The following COL7A1 variants were observed in gnomAD, a reference collection of about 807,000 sequenced individuals.
COL7A1 encodes the protein collagen alpha-1(VII) chain.
A neutral mutation model predicts 456.2 loss-of-function variants in COL7A1; 296 were observed. The observed-to-expected ratio is 0.65, with a 90% CI of 0.59 to 0.71. The LOEUF is 0.71. Among genes scored for constraint, COL7A1 ranks in the 30% least tolerant of loss-of-function variants. COL7A1 has a pLI of 0.00. For synonymous variants in COL7A1, 1,464 were observed against 1,525.9 expected (o/e 0.96, Z 0.95); for missense variants, 3,441 against 4,017.2 (o/e 0.86, Z 3.88).
In COL7A1 at chr3:48,580,557, G is replaced by C; in HGVS notation, c.5052+24C>G. On this transcript the variant is annotated intron_variant, in intron 55 of 118. Coordinates refer to ENST00000681320, the MANE Select transcript of COL7A1 (RefSeq NM_000094.4). The surrounding 1 kb of genome is among the most constrained non-coding windows in gnomAD (Gnocchi z 4.5). ...CTGGTTGGAGGGTTAAGGTTGGGGTGAGGAGTCATAGGCTGGGACTCACAT... is the reference window on the plus strand; with the variant it reads ...CTGGTTGGAGGGTTAAGGTTGGGGTCAGGAGTCATAGGCTGGGACTCACAT... 1.2e-6 allele frequency: 2 copies of C among 1,611,076 alleles called. No homozygotes were observed. The highest frequency in any genetic ancestry group is 1.7e-6 in the Non-Finnish European group (2 of 1,177,658).
Position 48,589,345 on chromosome 3 carries a change from A to G in COL7A1, c.2296T>C (p.Ser766Pro), listed in dbSNP as rs766218397. 1.9e-6 allele frequency: 3 copies of G among 1,612,166 alleles called. No individual in the cohort carries two copies. The South Asian group carries it at 3.3e-5, about 18-fold the overall frequency. ...CACTCACCAGTCCTCACAACCACAG[A>G]GGCAGGGGGCCCATCCACGCCAGCC... ...HVAGVDGPPA[S>P]VVVRTAPEPV... Residue 766 changes from serine (S) to proline (P), a missense_variant, in exon 18 of 119, where the codon TCT (serine) becomes CCT (proline). Ser to Pro is a moderately conservative substitution (Grantham distance 74, BLOSUM62 -1). Transcript: ENST00000681320.
rs2043777722 is a variant in COL7A1, at chr3:48,569,512, G to T, written c.7615-66C>A. ...GGTCCCTCACCCTCTGGGAGTTTGA[G>T]CTCTCAGATGCCCTGGGCCAGCCCC... On this transcript the variant is annotated intron_variant, in intron 102 of 118. Transcript: ENST00000681320. The surrounding 1 kb of genome is among the most constrained non-coding windows in gnomAD (Gnocchi z 4.9). 2 of 1,612,488 alleles carry T rather than the reference G, an allele frequency of 1.2e-6. No individual in the cohort carries two copies. The highest frequency in any genetic ancestry group is 2.7e-5 in the African/African-American group (2 of 74,898).
Position 48,594,935 on chromosome 3 carries a change from G to T in COL7A1, c.85+140C>A. On this transcript the variant is annotated intron_variant, in intron 2 of 118. Coordinates refer to ENST00000681320, the MANE Select transcript of COL7A1 (RefSeq NM_000094.4). This position sits in a 1 kb window ranked among gnomAD's most constrained non-coding sequence, Gnocchi z 5.5. ...GCACCGATCGCGGAGGGTTCGGGGA[G>T]TCCCAGAATTAGGAGGAATCCGCGG... 1 of 745,212 alleles carries T rather than the reference G, an allele frequency of 1.3e-6. No homozygotes were observed. The highest frequency in any genetic ancestry group is 2.2e-6 in the Non-Finnish European group (1 of 446,900). The allele number at this position is 745,212 out of a possible 1,614,324, so 46.2% of individuals were successfully genotyped here. A position where few individuals can be genotyped will look rare whatever the true frequency, so the allele number is the denominator to read the frequency against.
In COL7A1 at chr3:48,573,386, G is replaced by A. The variant is rs753055370; in HGVS notation, c.6619-38C>T. 4.6e-5 allele frequency: 74 copies of A among 1,613,872 alleles called. No homozygotes were observed. Among genetic ancestry groups the A allele is most frequent in the South Asian group, 1.3e-4 (12 of 91,084 alleles). On this transcript the variant is annotated intron_variant, in intron 83 of 118. Transcript: ENST00000681320. The surrounding 1 kb of genome is among the most constrained non-coding windows in gnomAD (Gnocchi z 5.5). Reference sequence around the variant, plus strand: ...CAGAGACTGCATGAGCAGAGCCCACGTGGCCAGGGCTCCTGGAGCTCATCC... The same window carrying A: ...CAGAGACTGCATGAGCAGAGCCCACATGGCCAGGGCTCCTGGAGCTCATCC...
Position 48,575,498 on chromosome 3 carries a change from G to T in COL7A1, c.6021C>A (p.Asp2007Glu), listed in dbSNP as rs199603961. ...GFPGERGLKG[D>E]RGDPGPQGPP... is the part of the protein sequence containing the mutation. ...GCCCCTGAGGGCCAGGGTCTCCACG[G>T]TCGCCCTTCAGCCCGCGTTCTCCAG... The change falls in exon 74 of 119, where the codon GAC (aspartate) becomes GAA (glutamate). Residue 2007 changes from aspartate to glutamate, a missense_variant. Physicochemically the swap from Asp to Glu is conservative, Grantham distance 45. Coordinates refer to ENST00000681320, the MANE Select transcript of COL7A1 (RefSeq NM_000094.4). The surrounding 1 kb of genome is among the most constrained non-coding windows in gnomAD (Gnocchi z 6.3). 4.5e-5 allele frequency: 72 copies of T among 1,612,460 alleles called. No individual in the cohort carries two copies. Among genetic ancestry groups the T allele is most frequent in the Non-Finnish European group, 5.8e-5 (69 of 1,179,790 alleles).
In COL7A1 at chr3:48,588,360, G is replaced by A. The variant is rs760318221; in HGVS notation, c.2632C>T (p.Arg878Cys). Residue 878 changes from arginine (R) to cysteine (C), a missense_variant, in exon 21 of 119, where the codon CGC (arginine) becomes TGC (cysteine). Arg to Cys is a radical substitution (Grantham distance 180). Around this residue, in one of 3 missense-constraint regions of COL7A1, gnomAD observed 444 missense variants for 427.6 expected, o/e 1.04. Coordinates refer to ENST00000681320, the MANE Select transcript of COL7A1 (RefSeq NM_000094.4). This position sits in a 1 kb window ranked among gnomAD's most constrained non-coding sequence, Gnocchi z 4.6. ...CGCAGCCTCAGCGAGTGCTCCCCGC[G>A]CTGCACCACGTGAAGCGTCCCCAGG... Reference protein sequence around the residue: ...PALGTLHVVQRGEHSLRLRWE... With the variant: ...PALGTLHVVQCGEHSLRLRWE... 14 of 1,612,270 alleles carry A rather than the reference G, an allele frequency of 8.7e-6. No individual in the cohort carries two copies. The highest frequency in any genetic ancestry group is 6.7e-5 in the East Asian group (3 of 44,880).
Position 48,593,428 on chromosome 3 carries a change from C to A in COL7A1, c.448G>T (p.Gly150Trp). 1 of 1,614,114 alleles carries A rather than the reference C, an allele frequency of 6.2e-7. No individual in the cohort carries two copies. Among genetic ancestry groups the A allele is most frequent in the Non-Finnish European group, 8.5e-7 (1 of 1,180,038 alleles). ...VPKVCILITDGKSQDLVDTAA... is the reference protein window; with the variant it reads ...VPKVCILITDWKSQDLVDTAA... ...GTGTCCACCAGGTCCTGGGACTTCC[C>A]GTCTGTGATCAGGATGCAGACCTGG... Residue 150 changes from glycine to tryptophan, a missense_variant, in exon 5 of 119, where the codon GGG becomes TGG. Gly to Trp is a radical substitution (Grantham distance 184, BLOSUM62 -2). This residue lies in a region of COL7A1 where 913 missense variants were observed against 1,088.2 expected (regional missense o/e 0.84). Transcript: ENST00000681320. This position sits in a 1 kb window ranked among gnomAD's most constrained non-coding sequence, Gnocchi z 4.4.
At position 48,569,894 on chromosome 3, in the gene COL7A1, C is replaced by G. The variant is rs1428412164; in HGVS notation, c.7507G>C (p.Glu2503Gln). ...CACGTTCCTACCTTCTCCCCACGCT[C>G]TCCCCTGCTGCCAGGGGGCCCCTGT... Reference protein sequence around the residue: ...GLTGPPGSRGERGEKGDVGSA... With the variant: ...GLTGPPGSRGQRGEKGDVGSA... The change falls in exon 100 of 119, where the codon GAG becomes CAG. Residue 2503 changes from glutamate to glutamine, a missense_variant. Transcript: ENST00000681320. This position sits in a 1 kb window ranked among gnomAD's most constrained non-coding sequence, Gnocchi z 4.9. 12 of 1,614,022 alleles carry G rather than the reference C, an allele frequency of 7.4e-6. No homozygotes were observed. Among genetic ancestry groups the G allele is most frequent in the Non-Finnish European group, 9.3e-6 (11 of 1,180,012 alleles).
chr3:48,566,957 G>T lies in COL7A1; in HGVS notation c.8176C>A (p.Pro2726Thr), dbSNP rs1251057001. 2 of 1,611,684 alleles carry T rather than the reference G, an allele frequency of 1.2e-6. No homozygotes were observed. The highest frequency in any genetic ancestry group is 1.7e-5 in the Admixed American group (1 of 59,842). Residue 2726 changes from proline to threonine, a missense_variant, in exon 111 of 119, where the codon CCA (proline) becomes ACA (threonine). Pro to Thr is a conservative substitution (Grantham distance 38). Around this residue, in one of 3 missense-constraint regions of COL7A1, gnomAD observed 2,084 missense variants for 2,501.3 expected, o/e 0.83. Coordinates refer to ENST00000681320, the MANE Select transcript of COL7A1 (RefSeq NM_000094.4). The surrounding 1 kb of genome is among the most constrained non-coding windows in gnomAD (Gnocchi z 5.9). ...CCTCTGGGACCAACACTGCCAGGTG[G>T]CCCTGGGGGACCAGCAGAGCCATCA... ...GNDGSAGPPGPPGSVGPRGPE... is the reference protein window; with the variant it reads ...GNDGSAGPPGTPGSVGPRGPE...
chr3:48,580,525 G>A lies in COL7A1; in HGVS notation c.5052+56C>T. 1.9e-6 allele frequency: 3 copies of A among 1,581,946 alleles called. No individual in the cohort carries two copies. The highest frequency in any genetic ancestry group is 2.2e-5 in the South Asian group (2 of 89,578). ...GTTGGGGGGTAGGATCAGGTATTGG[G>A]AATTGGCTGGTTGGAGGGTTAAGGT... On this transcript the variant is annotated intron_variant, in intron 55 of 118. Transcript: ENST00000681320. This position sits in a 1 kb window ranked among gnomAD's most constrained non-coding sequence, Gnocchi z 4.5.
At chr3:48,584,138 G>T (rs2045023509) in intron 37 of COL7A1, 77 bp from the exon 38 acceptor site, 1 of 1,610,536 alleles carries the variant, frequency 6.2e-7, no homozygotes, top group South Asian at 1.1e-5. Context: ...GAGGGTCATG[G>T]GGTCCAATTG....
Position 48,579,181 on chromosome 3 carries a change from G to A in COL7A1, c.5388+16C>T. Reference sequence around the variant, plus strand: ...GTAGGGGAAGGGGACAACCAGGCAGGACTACCAAGACTCACATTCGGCCCA... The same window carrying A: ...GTAGGGGAAGGGGACAACCAGGCAGAACTACCAAGACTCACATTCGGCCCA... On this transcript the variant is annotated intron_variant, in intron 62 of 118. Coordinates refer to ENST00000681320, the MANE Select transcript of COL7A1 (RefSeq NM_000094.4). This position sits in a 1 kb window ranked among gnomAD's most constrained non-coding sequence, Gnocchi z 4.4. 6.2e-7 allele frequency: 1 copy of A among 1,612,550 alleles called. No individual in the cohort carries two copies. Among genetic ancestry groups the A allele is most frequent in the East Asian group, 2.2e-5 (1 of 44,880 alleles).
chr3:48,585,099 A>T lies in COL7A1; in HGVS notation c.3912T>A (p.Asp1304Glu). ...AKGERGFPGA[D>E]GRPGSPGRAG... ...CGCGGCCAGGGCTGCCTGGACGCCC[A>T]TCTGCTCCAGGGAAGCCCTGAGGAG... Residue 1304 changes from aspartate (D) to glutamate (E), a missense_variant, in exon 33 of 119, where the codon GAT becomes GAA. Asp to Glu is a conservative substitution (Grantham distance 45, BLOSUM62 2). Coordinates refer to ENST00000681320, the MANE Select transcript of COL7A1 (RefSeq NM_000094.4). The surrounding 1 kb of genome is among the most constrained non-coding windows in gnomAD (Gnocchi z 4.5). 1 of 1,611,672 alleles carries T rather than the reference A, an allele frequency of 6.2e-7. No homozygotes were observed.
Position 48,592,081 on chromosome 3 carries a change from G to C in COL7A1, c.1240+21C>G, listed in dbSNP as rs1168537491. On this transcript the variant is annotated intron_variant, in intron 10 of 118. Coordinates refer to ENST00000681320, the MANE Select transcript of COL7A1 (RefSeq NM_000094.4). This position sits in a 1 kb window ranked among gnomAD's most constrained non-coding sequence, Gnocchi z 7.6. ...CCCTGCCTGCCCGTCCCAGCCTGAA[G>C]AAAGTGCCCAGCCTTCTCACCAGTG... is the stretch of plus-strand genomic sequence containing the variant. 6.2e-7 allele frequency: 1 copy of C among 1,614,180 alleles called. No homozygotes were observed. The highest frequency in any genetic ancestry group is 1.1e-5 in the South Asian group (1 of 91,086).
chr3:48,590,447 C>G lies in COL7A1; in HGVS notation c.1906+12G>C. ...GTCCCTTTGGCAGTCCCCCCACACACCCCACACTGACCACTGCCTGTGCTC... is the reference window on the plus strand; with the variant it reads ...GTCCCTTTGGCAGTCCCCCCACACAGCCCACACTGACCACTGCCTGTGCTC... On this transcript the variant is annotated intron_variant, in intron 15 of 118. Transcript: ENST00000681320. The surrounding 1 kb of genome is among the most constrained non-coding windows in gnomAD (Gnocchi z 4.6). 1 of 1,614,148 alleles carries G rather than the reference C, an allele frequency of 6.2e-7. No homozygotes were observed. The highest frequency in any genetic ancestry group is 2.2e-5 in the East Asian group (1 of 44,886).
intron 2 of COL7A1, 22 bp downstream of exon 2, chr3:48,595,053 G>C (rs965255426): frequency 1.9e-5 from 30 of 1,539,194 alleles, no homozygotes; most frequent in Non-Finnish European, 2.4e-5. Context: ...CCCCGGGCCG[G>C]GTCCTCCCTT....
In COL7A1 at chr3:48,575,806, T is replaced by G. The variant is rs1362306085; in HGVS notation, c.5857-58A>C. On this transcript the variant is annotated intron_variant, in intron 72 of 118. Coordinates refer to ENST00000681320, the MANE Select transcript of COL7A1 (RefSeq NM_000094.4). This position sits in a 1 kb window ranked among gnomAD's most constrained non-coding sequence, Gnocchi z 6.3. ...TGCGTCGCCGCAGCCCCTATGCCTG[T>G]GGGCACCACTAGCCCCAAGGGCCCC... is the stretch of plus-strand genomic sequence containing the variant. 1 of 1,613,646 alleles carries G rather than the reference T, an allele frequency of 6.2e-7. No individual in the cohort carries two copies. The highest frequency in any genetic ancestry group is 8.5e-7 in the Non-Finnish European group (1 of 1,179,936).
At position 48,587,073 on chromosome 3, in the gene COL7A1, G is replaced by T. The variant is rs1559422123; in HGVS notation, c.3175C>A (p.Pro1059Thr). The T allele has an allele frequency of 6.2e-7, 1 of 1,611,470 alleles. No homozygotes were observed. Among genetic ancestry groups the T allele is most frequent in the Non-Finnish European group, 8.5e-7 (1 of 1,178,936 alleles). The change falls in exon 25 of 119, where the codon CCA becomes ACA. Residue 1059 changes from proline (P) to threonine (T), a missense_variant. By Grantham distance (38) the Pro-to-Thr change is conservative. Coordinates refer to ENST00000681320, the MANE Select transcript of COL7A1 (RefSeq NM_000094.4). This position sits in a 1 kb window ranked among gnomAD's most constrained non-coding sequence, Gnocchi z 6.1. Reference sequence around the variant, plus strand: ...TGAGCATTGTCTTGAGTGGCATGTGGTAGGAACACCACATCCGCCAGGCCA... The same window carrying T: ...TGAGCATTGTCTTGAGTGGCATGTGTTAGGAACACCACATCCGCCAGGCCA... ...PRGLADVVFL[P>T]HATQDNAHRA...
Position 48,564,498 on chromosome 3 carries a change from G to A in COL7A1, c.8819-76C>T, listed in dbSNP as rs1292153433. The A allele has an allele frequency of 1.3e-6, 2 of 1,573,662 alleles. No homozygotes were observed. Among genetic ancestry groups the A allele is most frequent in the East Asian group, 4.5e-5 (2 of 44,166 alleles). On this transcript the variant is annotated intron_variant, in intron 118 of 118. Transcript: ENST00000681320. This position sits in a 1 kb window ranked among gnomAD's most constrained non-coding sequence, Gnocchi z 6.0. ...GACGCTCAGGCAGAGGCACCGCCAA[G>A]GGGAGGGAGCGGAGGCTACAACAGG...
Sources: gnomAD v4.1 joint callset for allele counts on GRCh38, gnomAD v4.1.1 for gene constraint, gnomAD v4.1.1 regional missense constraint, Gnocchi (gnomAD v3.1) non-coding constraint, MANE v1.5 for transcripts, NCBI Gene and HGNC (gene_info 2026-07-23, HGNC 2026-07-21) for gene names.